The following NEBL variants were observed in gnomAD, a reference collection of about 807,000 sequenced individuals.
NEBL encodes the protein nebulette.
In NEBL, 122 loss-of-function variants were observed where a neutral mutation model predicts 140.2. That is an observed-to-expected ratio of 0.87 (90% confidence interval 0.75 to 1.01). The LOEUF (loss-of-function observed/expected upper bound fraction) is 1.01, where lower values mean the gene tolerates loss of function less well. Ranked by LOEUF, NEBL falls within the 50% of genes least tolerant of loss-of-function variation. NEBL has a pLI of 0.00. For synonymous variants in NEBL, 436 were observed against 398.9 expected (o/e 1.09, Z -1.11); for missense variants, 1,365 against 1,231.3 (o/e 1.11, Z -1.62).
chr10:21,190,913 TC>T (rs1841563197), intron 3 of NEBL, among the ~76,000 whole-genome samples: 1 of 152,212 alleles, frequency 6.6e-6, no homozygotes, highest in African/African-American at 2.4e-5. Context: ...CAAATTACCT[TC>T]TTATAATTCA....
chr10:21,160,064 A>T (rs1175360141), intron 2 of NEBL, among the ~76,000 whole-genome samples: 1 of 152,216 alleles, frequency 6.6e-6, no homozygotes, highest in Non-Finnish European at 1.5e-5. Context: ...CCAGAGAAAG[A>T]AGCCAGACTT....
intron 2 of NEBL, among the ~76,000 whole-genome samples, chr10:21,046,393 C>T (rs1391001871): frequency 6.6e-6 from 1 of 152,144 alleles, no homozygotes; most frequent in Non-Finnish European, 1.5e-5. Flanking sequence ...CGAGGTAATA[C>T]ATATGTTAAA....
At chr10:21,020,159 A>G (rs1479822595) in exon 3 of NEBL, 17 of 1,614,044 alleles carry the variant, frequency 1.1e-5, no homozygotes, top group Non-Finnish European at 1.4e-5. Flanking sequence ...GAAGATTTTC[A>G]GGTGTATCTG....
intron 2 of NEBL, among the ~76,000 whole-genome samples, chr10:21,107,757 T>G (rs1837789890): frequency 6.6e-6 from 1 of 152,218 alleles, no homozygotes; most frequent in South Asian, 2.1e-4. Context: ...CAGCTCCTCT[T>G]TGTACCTCTG....
At chr10:20,911,044 G>A (rs1848311380) in intron 4 of NEBL, among the ~76,000 whole-genome samples, 1 of 151,948 alleles carries the variant, frequency 6.6e-6, no homozygotes, top group Non-Finnish European at 1.5e-5. Flanking sequence ...TGAGCTTGTA[G>A]TTCCAGCTGC....
chr10:21,208,192 T>C (rs907343349), intron 3 of NEBL, among the ~76,000 whole-genome samples: 1 of 152,154 alleles, frequency 6.6e-6, no homozygotes, highest in Admixed American at 6.5e-5. Flanking sequence ...GTAAGATGGA[T>C]GAAATCATCA....
At chr10:21,245,799 C>A (rs1355449401) in intron 3 of NEBL, among the ~76,000 whole-genome samples, 1 of 151,954 alleles carries the variant, frequency 6.6e-6, no homozygotes, top group Non-Finnish European at 1.5e-5. Context: ...GGGTTCACAC[C>A]ATTCTCCTGC....
At chr10:20,921,856 C>T (rs752814797) in intron 4 of NEBL, among the ~76,000 whole-genome samples, 3 of 152,116 alleles carry the variant, frequency 2.0e-5, no homozygotes, top group African/African-American at 7.2e-5. Context: ...CACATCCATA[C>T]ATCCACACAC....
intron 4 of NEBL, among the ~76,000 whole-genome samples, chr10:20,885,738 T>C (rs942587782): frequency 2.0e-5 from 3 of 152,218 alleles, no homozygotes; most frequent in African/African-American, 4.8e-5. Flanking sequence ...TCGTTATTGC[T>C]TAATTGTTGC....
chr10:21,034,973 T>TATTA (rs1383283636), intron 2 of NEBL, among the ~76,000 whole-genome samples: 1 of 150,924 alleles, frequency 6.6e-6, no homozygotes, highest in African/African-American at 2.4e-5. Flanking sequence ...TTTATTTATT[T>TATTA]ATTTATTTAT....
At chr10:21,223,683 C>T (rs1600992) in intron 3 of NEBL, among the ~76,000 whole-genome samples, 42,710 of 152,074 alleles carry the variant, frequency 0.28, 10,852 homozygotes, top group African/African-American at 0.68. Context: ...TGAGGGTTCC[C>T]TTTTCTCCAT....
chr10:21,228,866 C>T (rs1249038382), intron 3 of NEBL, among the ~76,000 whole-genome samples: 3 of 151,998 alleles, frequency 2.0e-5, no homozygotes, highest in Non-Finnish European at 2.9e-5. Flanking sequence ...TCTTACTGCC[C>T]TTGTGCTTGG....
chr10:21,012,242 C>A (rs986367066), intron 3 of NEBL, among the ~76,000 whole-genome samples: 2 of 152,102 alleles, frequency 1.3e-5, no homozygotes, highest in Non-Finnish European at 2.9e-5. Flanking sequence ...TCCCAGAGTG[C>A]CACTCACTCT....
At position 20,808,527 on chromosome 10, in the gene NEBL, C is replaced by T; in HGVS notation, c.2744G>A (p.Arg915Lys). The T allele has an allele frequency of 6.2e-7, 1 of 1,613,926 alleles. No homozygotes were observed. The highest frequency in any genetic ancestry group is 8.5e-7 in the Non-Finnish European group (1 of 1,179,882). The change falls in exon 26 of 28, where the codon AGA becomes AAA. Residue 915 changes from arginine (R) to lysine (K), a missense_variant. Arg to Lys is a conservative substitution (Grantham distance 26, BLOSUM62 2). Transcript: ENST00000377122. ...TTTGATACCTCCTTCATCAGACGGT[C>T]TTGTTACCTCACTGCAGCATGAAAA... ...PSFSCCSEVT[R>K]PSDEGAPVLP... is the part of the protein sequence containing the mutation.
At chr10:21,132,557 G>A (rs1203137003) in intron 2 of NEBL, among the ~76,000 whole-genome samples, 1 of 152,154 alleles carries the variant, frequency 6.6e-6, no homozygotes, top group Non-Finnish European at 1.5e-5. Context: ...TTGAGGAAAT[G>A]CTAGGCTATT....
intron 2 of NEBL, among the ~76,000 whole-genome samples, chr10:21,046,160 T>C (rs1554820967): frequency 6.6e-6 from 1 of 152,104 alleles, no homozygotes; most frequent in Non-Finnish European, 1.5e-5. Flanking sequence ...ATCTCACTCA[T>C]CCATGAAATC....
chr10:21,171,624 G>A lies in NEBL; in HGVS notation c.164+759C>T, dbSNP rs147123662. The A allele has an allele frequency of 7.2e-5, 11 of 152,428 alleles. No individual in the cohort carries two copies. In the East Asian group the frequency reaches 1.7e-3, roughly 24 times the overall value. 9.4% of individuals were successfully genotyped at this position (152,428 alleles called of 1,614,324 possible). ...TAATAATAGTGTCCCCTAACTCGTA[G>A]GGTCGTTGTAAAGATTAAATGATCA... On this transcript the variant is annotated intron_variant, in intron 2 of 6. Coordinates refer to the NEBL transcript ENST00000417816.
chr10:20,840,775 G>C lies in NEBL; in HGVS notation c.1302C>G (p.Ile434Met), dbSNP rs202112717. 1.3e-4 allele frequency: 215 copies of C among 1,611,798 alleles called. No homozygotes were observed. The East Asian group carries it at 3.9e-3, about 29-fold the overall frequency. The change falls in exon 13 of 28, where the codon ATC becomes ATG. Residue 434 changes from isoleucine to methionine, a missense_variant. Coordinates refer to ENST00000377122, the MANE Select transcript of NEBL (RefSeq NM_006393.3). Reference protein sequence around the residue: ...GMELNSEVLDIQRAKRASEMA... With the variant: ...GMELNSEVLDMQRAKRASEMA... ...TTTCAGAGGCTCGCTTTGCTCTTTG[G>C]ATATCAAGAACTTCTGAATTAAGTT...
chr10:20,984,270 A>T (rs1056292486), intron 3 of NEBL, among the ~76,000 whole-genome samples: 1 of 152,228 alleles, frequency 6.6e-6, no homozygotes, highest in African/African-American at 2.4e-5. Flanking sequence ...TCGTGATGTT[A>T]TCTCAACTTA....
Sources: allele counts gnomAD v4.1 joint callset (sites outside exome capture counted in the v4.1 genomes callset), GRCh38; gene constraint gnomAD v4.1.1; transcripts MANE v1.5; gene names NCBI Gene and HGNC (gene_info 2026-07-23, HGNC 2026-07-21).